The following SCRG1 variants were observed in gnomAD, a reference collection of about 807,000 sequenced individuals.
SCRG1 encodes stimulator of chondrogenesis 1, also known as scrapie-responsive protein 1.
Under a neutral mutation model 7.7 loss-of-function variants are expected in SCRG1, and 3 were observed. The ratio of observed to expected loss-of-function variants is 0.39; its 90% CI spans 0.18 to 1.01. The LOEUF (loss-of-function observed/expected upper bound fraction) is 1.01. SCRG1 is among the 50% of genes least tolerant of loss of function. The probability of loss-of-function intolerance (pLI) is 0.36; values close to 1 mark genes in which losing one functional copy is unlikely to be tolerated. For missense variants in SCRG1, 110 were observed against 117.2 expected, an observed-to-expected ratio of 0.94 and a Z score of 0.28; for synonymous variants, 46 against 41.2, an observed-to-expected ratio of 1.12 and a Z score of -0.44.
At chr4:173,456,378 G>A in the SCRG1 span, among the ~76,000 whole-genome samples, 1 of 152,280 alleles carries the variant, frequency 6.6e-6, no homozygotes, top group Admixed American at 6.5e-5. Flanking sequence ...AATTATGTGA[G>A]CTGATTTTGT....
the SCRG1 span, among the ~76,000 whole-genome samples, chr4:173,473,857 A>T: frequency 1.3e-5 from 2 of 152,136 alleles, no homozygotes; most frequent in South Asian, 4.1e-4. Context: ...TAGATTTGTG[A>T]TTTAGAACAA....
At chr4:173,431,023 G>T in the SCRG1 span, among the ~76,000 whole-genome samples, 3 of 152,076 alleles carry the variant, frequency 2.0e-5, no homozygotes, top group Admixed American at 2.0e-4. Flanking sequence ...TGGGTACAAT[G>T]TTCATGATTT....
the SCRG1 span, among the ~76,000 whole-genome samples, chr4:173,500,847 C>T: frequency 6.6e-6 from 1 of 151,606 alleles, no homozygotes; most frequent in Non-Finnish European, 1.5e-5. Flanking sequence ...GTCACTCTCC[C>T]CGATTGTTAA....
the SCRG1 span, among the ~76,000 whole-genome samples, chr4:173,481,351 C>T: frequency 7.2e-5 from 11 of 152,174 alleles, no homozygotes; most frequent in African/African-American, 2.4e-4. Flanking sequence ...AACTTTTCCA[C>T]GTGAGTTAAT....
chr4:173,453,993 G>A, the SCRG1 span, among the ~76,000 whole-genome samples: 37 of 151,722 alleles, frequency 2.4e-4, no homozygotes, highest in South Asian at 1.5e-3. Flanking sequence ...CAGGAGAATC[G>A]CTTGAACCCG....
chr4:173,499,080 A>G, the SCRG1 span, among the ~76,000 whole-genome samples: 1 of 152,160 alleles, frequency 6.6e-6, no homozygotes, highest in East Asian at 1.9e-4. The surrounding 1 kb of genome is among the most constrained non-coding windows in gnomAD (Gnocchi z 4.1). Context: ...AGCCCTAAGA[A>G]TTCACCCCTG....
chr4:173,441,167 T>C, the SCRG1 span, among the ~76,000 whole-genome samples: 1 of 152,052 alleles, frequency 6.6e-6, no homozygotes, highest in Non-Finnish European at 1.5e-5. Context: ...TCCTGAAGGG[T>C]AAATGAAAGT....
At chr4:173,388,897 G>C (rs1578958517) in intron 2 of SCRG1, among the ~76,000 whole-genome samples, 1 of 152,130 alleles carries the variant, frequency 6.6e-6, no homozygotes, top group Non-Finnish European at 1.5e-5. Context: ...AATGCAAGGT[G>C]ATATTATAAT....
the SCRG1 span, among the ~76,000 whole-genome samples, chr4:173,486,034 G>A: frequency 0.079 from 11,983 of 152,140 alleles, 597 homozygotes; most frequent in Middle Eastern, 0.12. Flanking sequence ...TATGTCAAAG[G>A]CATGATTTAA....
the SCRG1 span, among the ~76,000 whole-genome samples, chr4:173,427,514 A>G: frequency 2.6e-4 from 39 of 152,342 alleles, no homozygotes; most frequent in South Asian, 3.7e-3. Flanking sequence ...TGAGAGTCCA[A>G]TGCGAATGCC....
At chr4:173,414,266 T>C in the SCRG1 span, among the ~76,000 whole-genome samples, 12 of 152,290 alleles carry the variant, frequency 7.9e-5, no homozygotes, top group South Asian at 2.5e-3. Context: ...TGTTTAAATT[T>C]AACACAATCA....
At position 173,391,220 on chromosome 4, in the gene SCRG1, A is replaced by G. The variant is rs1739431391; in HGVS notation, c.195T>C (p.Cys65=). 1 of 1,612,994 alleles carries G rather than the reference A, an allele frequency of 6.2e-7. No individual in the cohort carries two copies. Among genetic ancestry groups the G allele is most frequent in the East Asian group, 2.2e-5 (1 of 44,888 alleles). ...VQDHFWDGKG[C]EMICYCNFSE... Reference sequence around the variant, plus strand: ...TGAAGTTGCAGTAACAGATCATCTCACATCCCTTCCCATCCCAGAAATGAT... The same window carrying G: ...TGAAGTTGCAGTAACAGATCATCTCGCATCCCTTCCCATCCCAGAAATGAT... The change falls in exon 2 of 3, where the codon TGT becomes TGC. Residue 65 remains cysteine (C), a synonymous_variant. Transcript: ENST00000296506.
the SCRG1 span, among the ~76,000 whole-genome samples, chr4:173,479,086 T>C: frequency 6.6e-6 from 1 of 152,194 alleles, no homozygotes; most frequent in East Asian, 1.9e-4. Flanking sequence ...AATTTTATTA[T>C]GGATGACAGC....
chr4:173,414,138 C>T, the SCRG1 span, among the ~76,000 whole-genome samples: 1 of 152,162 alleles, frequency 6.6e-6, no homozygotes, highest in Non-Finnish European at 1.5e-5. Flanking sequence ...ACAAAATCCT[C>T]TCTTGGGACC....
chr4:173,445,051 C>T, the SCRG1 span, among the ~76,000 whole-genome samples: 1 of 151,882 alleles, frequency 6.6e-6, no homozygotes, highest in African/African-American at 2.4e-5. Context: ...AAGTAATATG[C>T]TTTGAATTAC....
the SCRG1 span, among the ~76,000 whole-genome samples, chr4:173,455,838 G>A: frequency 6.6e-6 from 1 of 152,152 alleles, no homozygotes. Flanking sequence ...GGTGACCCAA[G>A]CCACGTCACC....
the SCRG1 span, among the ~76,000 whole-genome samples, chr4:173,518,612 C>T: frequency 6.6e-6 from 1 of 152,140 alleles, no homozygotes; most frequent in East Asian, 1.9e-4. Flanking sequence ...TTCCGCAGTC[C>T]CCCTTCTCCC....
the SCRG1 span, among the ~76,000 whole-genome samples, chr4:173,498,110 T>C: frequency 1.3e-5 from 2 of 152,244 alleles, no homozygotes; most frequent in Non-Finnish European, 2.9e-5. Context: ...TTTACTTACT[T>C]ACATAATTTG....
the SCRG1 span, among the ~76,000 whole-genome samples, chr4:173,483,566 G>A: frequency 0.033 from 780 of 23,574 alleles, 201 homozygotes; most frequent in African/African-American, 0.064. Context: ...ATATTGTATT[G>A]TGATATATAA....
Sources: allele counts gnomAD v4.1 joint callset (sites outside exome capture counted in the v4.1 genomes callset), GRCh38; gene constraint gnomAD v4.1.1; non-coding constraint Gnocchi (gnomAD v3.1); transcripts MANE v1.5; gene names NCBI Gene and HGNC (gene_info 2026-07-23, HGNC 2026-07-21).